SPATA7: variants seen among roughly 807,000 people sequenced by gnomAD.
SPATA7 encodes the protein spermatogenesis associated 7, also known as spermatogenesis-associated protein 7.
SPATA7 carries 43 observed loss-of-function variants against 51.8 expected under a neutral mutation model. The observed-to-expected ratio is 0.83, with a 90% confidence interval of 0.65 to 1.07. The LOEUF (loss-of-function observed/expected upper bound fraction) is 1.07. Among genes scored for constraint, SPATA7 ranks in the 50% least tolerant of loss-of-function variants. The pLI is 0.00. For synonymous variants in SPATA7, 230 were observed against 252.8 expected, an observed-to-expected ratio of 0.91 and a Z score of 0.86; for missense variants, 683 against 701.3, an observed-to-expected ratio of 0.97 and a Z score of 0.30.
intron 3 of SPATA7, among the ~76,000 whole-genome samples, chr14:88,444,982 C>T (rs1021470832): frequency 7.9e-5 from 12 of 151,856 alleles, no homozygotes; most frequent in African/African-American, 2.9e-4. Context: ...TTTTTTGGTT[C>T]CATATGAACT....
chr14:88,439,966 A>T (rs1383957121), downstream of SPATA7, among the ~76,000 whole-genome samples: 3 of 152,040 alleles, frequency 2.0e-5, no homozygotes, highest in African/African-American at 7.3e-5. Flanking sequence ...CAGTCCTCTT[A>T]AACCTCCTGA....
chr14:88,393,142 A>G (rs548336976), intron 2 of SPATA7, among the ~76,000 whole-genome samples: 2 of 152,260 alleles, frequency 1.3e-5, no homozygotes, highest in East Asian at 3.9e-4. Context: ...GACAGATCAT[A>G]TCCTAGAATC....
chr14:88,448,255 C>T (rs1005712900), intron 3 of SPATA7, among the ~76,000 whole-genome samples: 1 of 152,106 alleles, frequency 6.6e-6, no homozygotes, highest in Non-Finnish European at 1.5e-5. Context: ...TCGCTGATAC[C>T]CTTTCTTCCA....
rs150736820 is a variant in SPATA7 at position 88,469,007 on chromosome 14, G to A, written c.255-840G>A. 3,060 of 1,614,190 alleles carry A rather than the reference G, an allele frequency of 1.9e-3. 5 individuals carry two copies. The highest frequency in any genetic ancestry group is 2.3e-3 in the Non-Finnish European group (2,757 of 1,180,036). On this transcript the variant is annotated intron_variant, in intron 4 of 4. Coordinates refer to the SPATA7 transcript ENST00000556406. The surrounding 1 kb of genome is among the most constrained non-coding windows in gnomAD (Gnocchi z 4.3). Reference sequence around the variant, plus strand: ...AGCACTGCAGTGGACCAACAACGGAGGGTTGGGGCTTTGGGGATCACTTGT... The same window carrying A: ...AGCACTGCAGTGGACCAACAACGGAAGGTTGGGGCTTTGGGGATCACTTGT...
chr14:88,438,271 T>C lies in SPATA7; in HGVS notation c.1649T>C (p.Val550Ala). Reference protein sequence around the residue: ...VIEGDSDPEKVEISNGLCGLN... With the variant: ...VIEGDSDPEKAEISNGLCGLN... ...GAAGGTGATAGTGACCCTGAAAAGG[T>C]TGAGATTTCAAATGGATTATGTGGT... Residue 550 changes from valine to alanine, a missense_variant, in exon 12 of 12, where the codon GTT becomes GCT. Transcript: ENST00000393545. The C allele has an allele frequency of 6.2e-7, 1 of 1,614,038 alleles. No individual in the cohort carries two copies. The highest frequency in any genetic ancestry group is 8.5e-7 in the Non-Finnish European group (1 of 1,179,982).
rs1267864847 is a variant in SPATA7, at chr14:88,468,319, A to G, written c.255-1528A>G. The G allele has an allele frequency of 2.0e-6, 3 of 1,488,546 alleles. No homozygotes were observed. The African/African-American group carries it at 4.3e-5, about 21-fold the overall frequency. 92.2% of individuals were successfully genotyped at this position (1,488,546 alleles called of 1,614,324 possible). ...AATGTGTTCCCCTGGGGAGACAGAAAGGATGGGAGGACACGAGTGTCCTGG... is the reference window on the plus strand; with the variant it reads ...AATGTGTTCCCCTGGGGAGACAGAAGGGATGGGAGGACACGAGTGTCCTGG... On this transcript the variant is annotated intron_variant, in intron 4 of 4. Transcript: ENST00000556406.
chr14:88,412,782 C>T (rs573010263), intron 4 of SPATA7, among the ~76,000 whole-genome samples: 1 of 152,316 alleles, frequency 6.6e-6, no homozygotes, highest in South Asian at 2.1e-4. Flanking sequence ...GTTTCTTTTG[C>T]ATTGCACAAG....
chr14:88,392,504 T>C (rs1595174198), intron 2 of SPATA7, among the ~76,000 whole-genome samples: 1 of 152,286 alleles, frequency 6.6e-6, no homozygotes, highest in East Asian at 1.9e-4. Context: ...GCATGGTAAA[T>C]GGCATTTATT....
chr14:88,416,571 T>A (rs1262295513), intron 4 of SPATA7, 140 bp from the exon 5 acceptor site: 2 of 789,216 alleles, frequency 2.5e-6, no homozygotes, highest in East Asian at 5.4e-5. Flanking sequence ...AGTAACTCTT[T>A]ATATAGGAAA....
rs2075796842 is a variant in SPATA7 at position 88,393,447 on chromosome 14, A to G, written c.149A>G (p.Asn50Ser). Residue 50 changes from asparagine to serine, a missense_variant, in exon 3 of 12, where the codon AAT (asparagine) becomes AGT (serine). Coordinates refer to ENST00000393545, the MANE Select transcript of SPATA7 (RefSeq NM_018418.5). ...LRLSTLQLVK[N>S]HMAVHYNKIL... Reference sequence around the variant, plus strand: ...CTAAGCACTCTCCAGCTGGTCAAGAATCACATGGCTGTTCACTATAATAAA... The same window carrying G: ...CTAAGCACTCTCCAGCTGGTCAAGAGTCACATGGCTGTTCACTATAATAAA... 2.5e-6 allele frequency: 4 copies of G among 1,605,950 alleles called. No individual in the cohort carries two copies. Among genetic ancestry groups the G allele is most frequent in the Non-Finnish European group, 3.4e-6 (4 of 1,175,524 alleles).
chr14:88,462,399 AC>A (rs2077323567), intron 4 of SPATA7, among the ~76,000 whole-genome samples: 1 of 152,214 alleles, frequency 6.6e-6, no homozygotes, highest in East Asian at 1.9e-4. Context: ...ATCCTGTCTA[AC>A]CCAGGTAATC....
chr14:88,439,274 G>A (rs1408252317), downstream of SPATA7, among the ~76,000 whole-genome samples: 1 of 152,082 alleles, frequency 6.6e-6, no homozygotes, highest in Non-Finnish European at 1.5e-5. Flanking sequence ...CAGTGACCCA[G>A]GGAATTCTGT....
chr14:88,457,905 A>G (rs537568250), downstream of SPATA7, among the ~76,000 whole-genome samples: 2 of 152,148 alleles, frequency 1.3e-5, no homozygotes, highest in Non-Finnish European at 1.5e-5. Context: ...CATCCCATCA[A>G]TACCTAATTT....
At chr14:88,455,119 A>G (rs2077276007) in exon 4 of SPATA7, 1 of 455,854 alleles carries the variant, frequency 2.2e-6, no homozygotes, top group African/African-American at 2.0e-5. Flanking sequence ...AATAAAGTGG[A>G]CACAACAAAT....
At chr14:88,436,563 T>C (rs1298627989) in intron 10 of SPATA7, among the ~76,000 whole-genome samples, 2 of 152,168 alleles carry the variant, frequency 1.3e-5, no homozygotes, top group African/African-American at 4.8e-5. Context: ...TCAGAACTTA[T>C]ATTTAAGCCT....
intron 4 of SPATA7, chr14:88,467,996 C>T (rs1454791839): frequency 2.6e-5 from 28 of 1,071,612 alleles, no homozygotes; most frequent in Non-Finnish European, 3.2e-5. Context: ...TTCAGCGTGC[C>T]GCCATTCAGA....
At chr14:88,448,598 T>A (rs1417460255) in intron 3 of SPATA7, among the ~76,000 whole-genome samples, 1 of 152,210 alleles carries the variant, frequency 6.6e-6, no homozygotes, top group African/African-American at 2.4e-5. Flanking sequence ...GCTCTGTTTT[T>A]TCCCCATCTT....
chr14:88,446,838 G>C (rs1180847391), intron 3 of SPATA7, among the ~76,000 whole-genome samples: 3 of 151,820 alleles, frequency 2.0e-5, no homozygotes, highest in Non-Finnish European at 4.4e-5. Context: ...ATTGCACTGT[G>C]GTCTGAGAGA....
intron 3 of SPATA7, chr14:88,393,765 TATATA>T (rs535191175): frequency 1.1e-4 from 29 of 273,760 alleles, no homozygotes; most frequent in African/African-American, 6.5e-4. Context: ...AATATGAAAA[TATATA>T]ATCTGCTTTT....
Sources: allele counts gnomAD v4.1 joint callset (sites outside exome capture counted in the v4.1 genomes callset), GRCh38; gene constraint gnomAD v4.1.1; non-coding constraint Gnocchi (gnomAD v3.1); transcripts MANE v1.5; gene names NCBI Gene and HGNC (gene_info 2026-07-23, HGNC 2026-07-21).